SPAG16: variants seen among roughly 807,000 people sequenced by gnomAD.
SPAG16 encodes the protein sperm associated antigen 16.
Under a neutral mutation model 80.4 loss-of-function variants are expected in SPAG16, and 86 were observed. That is an observed-to-expected ratio of 1.07 (90% CI 0.90 to 1.28). The LOEUF (loss-of-function observed/expected upper bound fraction) is 1.28. Among genes scored for constraint, SPAG16 ranks in the 50% most tolerant of loss-of-function variants. The probability of loss-of-function intolerance (pLI) is 0.00; values close to 1 mark genes in which losing one functional copy is unlikely to be tolerated. For missense variants in SPAG16, 870 were observed against 765.3 expected (o/e 1.14, Z -1.61); for synonymous variants, 294 against 265.9 (o/e 1.11, Z -1.03).
chr2:213,727,463 AT>A (rs1458938491), intron 10 of SPAG16, among the ~76,000 whole-genome samples: 1 of 152,340 alleles, frequency 6.6e-6, no homozygotes, highest in East Asian at 1.9e-4. Context: ...AAGAAAAAAA[AT>A]CAATGAGAAG....
chr2:214,307,973 T>C (rs1695034174), intron 15 of SPAG16, among the ~76,000 whole-genome samples: 1 of 152,186 alleles, frequency 6.6e-6, no homozygotes, highest in African/African-American at 2.4e-5. Context: ...ATCTGTCTAA[T>C]ATCATCAATG....
intron 15 of SPAG16, among the ~76,000 whole-genome samples, chr2:214,276,392 G>C (rs1471030278): frequency 6.6e-6 from 1 of 152,130 alleles, no homozygotes; most frequent in Non-Finnish European, 1.5e-5. Context: ...GCTAGCATTG[G>C]TGGTCTTTAC....
intron 15 of SPAG16, among the ~76,000 whole-genome samples, chr2:214,222,906 G>T (rs1218796172): frequency 6.6e-6 from 1 of 152,140 alleles, no homozygotes; most frequent in South Asian, 2.1e-4. Flanking sequence ...TAATTTTAAG[G>T]TGAACCAAGG....
intron 10 of SPAG16, among the ~76,000 whole-genome samples, chr2:213,607,162 C>T (rs2061291907): frequency 6.6e-6 from 1 of 152,130 alleles, no homozygotes; most frequent in Non-Finnish European, 1.5e-5. Context: ...TTCTCAAATT[C>T]AGTTTCTTCC....
At chr2:214,294,364 T>C (rs1693996579) in intron 15 of SPAG16, among the ~76,000 whole-genome samples, 1 of 152,206 alleles carries the variant, frequency 6.6e-6, no homozygotes, top group Non-Finnish European at 1.5e-5. Flanking sequence ...CATTTCCCTT[T>C]CATTCTTTGA....
intron 10 of SPAG16, among the ~76,000 whole-genome samples, chr2:213,822,769 C>G (rs889619726): frequency 6.6e-6 from 1 of 152,110 alleles, no homozygotes; most frequent in Non-Finnish European, 1.5e-5. Flanking sequence ...ATTGTTCCCT[C>G]TCTATGCCCA....
intron 9 of SPAG16, among the ~76,000 whole-genome samples, chr2:213,409,712 A>G (rs931524493): frequency 3.3e-5 from 5 of 152,344 alleles, no homozygotes; most frequent in African/African-American, 1.2e-4. Context: ...CTCATCGGGT[A>G]TAAAAATCAT....
chr2:214,020,229 A>G (rs1575846518), intron 13 of SPAG16, among the ~76,000 whole-genome samples: 1 of 152,232 alleles, frequency 6.6e-6, no homozygotes, highest in Non-Finnish European at 1.5e-5. Context: ...GCCCTTGGCC[A>G]TTTCCATGCC....
intron 7 of SPAG16, among the ~76,000 whole-genome samples, chr2:213,361,660 A>G (rs181874865): frequency 7.0e-6 from 1 of 142,254 alleles, no homozygotes. Flanking sequence ...AAAAAGTAGA[A>G]CAGAAAAGAA....
intron 15 of SPAG16, among the ~76,000 whole-genome samples, chr2:214,154,849 A>C (rs1251001688): frequency 1.3e-5 from 2 of 152,174 alleles, no homozygotes; most frequent in African/African-American, 4.8e-5. Flanking sequence ...AACCAGATTT[A>C]TTCCTAACCT....
intron 9 of SPAG16, among the ~76,000 whole-genome samples, chr2:213,440,556 A>AAACAACAACAACAAC (rs368614647): frequency 1.1e-4 from 17 of 151,620 alleles, no homozygotes; most frequent in African/African-American, 3.9e-4. Flanking sequence ...CTCCATCTCA[A>AAACAACAACAACAAC]AACAACAACA....
intron 14 of SPAG16, among the ~76,000 whole-genome samples, chr2:214,115,029 T>G (rs967908249): frequency 1.3e-5 from 2 of 152,236 alleles, no homozygotes; most frequent in African/African-American, 2.4e-5. Context: ...TCCCACAGCC[T>G]CATTAAAATT....
At chr2:213,749,504 A>T (rs1462529060) in intron 10 of SPAG16, among the ~76,000 whole-genome samples, 1 of 152,196 alleles carries the variant, frequency 6.6e-6, no homozygotes, top group Non-Finnish European at 1.5e-5. Context: ...GATGGTCCTG[A>T]TAGCACCCAG....
At chr2:214,175,223 GTA>G (rs375136444) in intron 15 of SPAG16, among the ~76,000 whole-genome samples, 18,300 of 110,258 alleles carry the variant, frequency 0.17, 1,671 homozygotes, top group East Asian at 0.31. Flanking sequence ...AGAAATGTGT[GTA>G]TATATATATA....
At chr2:214,089,511 G>A (rs1018424303) in intron 13 of SPAG16, among the ~76,000 whole-genome samples, 30 of 151,814 alleles carry the variant, frequency 2.0e-4, no homozygotes, top group African/African-American at 6.0e-4. Context: ...TACATGCTTC[G>A]GACCTTTCTC....
At chr2:213,943,538 T>C (rs909241357) in intron 12 of SPAG16, among the ~76,000 whole-genome samples, 5 of 152,178 alleles carry the variant, frequency 3.3e-5, no homozygotes, top group African/African-American at 9.7e-5. Context: ...GCAAGGAACC[T>C]GGGTGAATTG....
intron 10 of SPAG16, among the ~76,000 whole-genome samples, chr2:213,523,267 G>A (rs2075755726): frequency 6.6e-6 from 1 of 152,190 alleles, no homozygotes; most frequent in Non-Finnish European, 1.5e-5. Flanking sequence ...CTGCCGCCAT[G>A]TGAAGAAGGA....
At chr2:214,055,405 C>G (rs1016600347) in intron 13 of SPAG16, among the ~76,000 whole-genome samples, 1 of 151,956 alleles carries the variant, frequency 6.6e-6, no homozygotes, top group Non-Finnish European at 1.5e-5. Context: ...TATAAAGAAG[C>G]AAACAATAAT....
chr2:213,788,773 GAC>G (rs1190091267), intron 10 of SPAG16, among the ~76,000 whole-genome samples: 3 of 151,606 alleles, frequency 2.0e-5, no homozygotes, highest in African/African-American at 7.3e-5. Flanking sequence ...AAAGGAATAA[GAC>G]AACATCTAAA....
Sources: gnomAD v4.1 joint callset for allele counts (sites outside exome capture counted in the v4.1 genomes callset) on GRCh38, gnomAD v4.1.1 for gene constraint, MANE v1.5 for transcripts, NCBI Gene and HGNC (gene_info 2026-07-23, HGNC 2026-07-21) for gene names.